Variants in TRIM33 observed in about 807,000 individuals in gnomAD.
TRIM33 encodes E3 ubiquitin-protein ligase TRIM33.
A neutral mutation model predicts 125.4 loss-of-function variants in TRIM33; 20 were observed. That is an observed-to-expected ratio of 0.16 (90% CI 0.11 to 0.23). TRIM33 has a LOEUF of 0.23. Ranked by LOEUF, TRIM33 falls within the 10% of genes least tolerant of loss-of-function variation. TRIM33 has a pLI of 1.00. For synonymous variants in TRIM33, 564 were observed against 513.9 expected (o/e 1.10, Z -1.32); for missense variants, 920 against 1,411.4 (o/e 0.65, Z 5.58).
At chr1:114,441,731 C>G (rs750280805) in intron 4 of TRIM33, among the ~76,000 whole-genome samples, 1 of 152,142 alleles carries the variant, frequency 6.6e-6, no homozygotes, top group East Asian at 1.9e-4. Flanking sequence ...GCCCTCTTTG[C>G]CAAATGGGTA....
Position 114,407,077 on chromosome 1 carries a change from G to A in TRIM33, c.2282C>T (p.Ala761Val). 6.2e-7 allele frequency: 1 copy of A among 1,613,348 alleles called. No homozygotes were observed. Among genetic ancestry groups the A allele is most frequent in the Non-Finnish European group, 8.5e-7 (1 of 1,179,686 alleles). Residue 761 changes from alanine (A) to valine (V), a missense_variant, in exon 14 of 20, where the codon GCT (alanine) becomes GTT (valine). By Grantham distance (64) the Ala-to-Val change is moderately conservative (BLOSUM62 0). This residue lies in a region of TRIM33 where 407 missense variants were observed against 589.7 expected (regional missense o/e 0.69). Transcript: ENST00000358465. ...TTTGAAACTAAGACTTGTCTTCTCA[G>A]CAGTTCTTCCTGATGACCCACAGCT... Reference protein sequence around the residue: ...RGSCGSSGRTAEKTSLSFKSD... With the variant: ...RGSCGSSGRTVEKTSLSFKSD...
At chr1:114,445,998 C>T (rs978437882) in intron 4 of TRIM33, among the ~76,000 whole-genome samples, 8 of 152,148 alleles carry the variant, frequency 5.3e-5, no homozygotes, top group Non-Finnish European at 1.2e-4. Flanking sequence ...GCTGGGACTA[C>T]AGGCACATGT....
At chr1:114,503,469 C>G (rs1041218976) in intron 1 of TRIM33, among the ~76,000 whole-genome samples, 2 of 152,196 alleles carry the variant, frequency 1.3e-5, no homozygotes, top group African/African-American at 4.8e-5. Context: ...CAAAGCAAGA[C>G]TCCATCTCAA....
rs1439521378 is a variant in TRIM33 at position 114,396,142 on chromosome 1, A to T, written c.*1506T>A. The T allele has an allele frequency of 5.0e-6, 1 of 201,340 alleles. No individual in the cohort carries two copies. Among genetic ancestry groups the T allele is most frequent in the Non-Finnish European group, 1.0e-5 (1 of 97,572 alleles). The allele number at this position is 201,340 out of a possible 1,614,324, so 12.5% of individuals were successfully genotyped here. ...TCTCTGAATATTCTAATGTGTCCATACAAAAGTAGGACTAAAATCTTTAAT... is the reference window on the plus strand; with the variant it reads ...TCTCTGAATATTCTAATGTGTCCATTCAAAAGTAGGACTAAAATCTTTAAT... On this transcript the variant is annotated 3_prime_UTR_variant, in exon 20 of 20. Coordinates refer to ENST00000358465, the MANE Select transcript of TRIM33 (RefSeq NM_015906.4).
chr1:114,445,416 T>G (rs1648916915), intron 4 of TRIM33, among the ~76,000 whole-genome samples: 1 of 152,054 alleles, frequency 6.6e-6, no homozygotes. Flanking sequence ...TTTAAAAAAT[T>G]TTCTGGTAGA....
rs186278237 is a variant in TRIM33, at chr1:114,421,866, C to G, written c.1861-230G>C. On this transcript the variant is annotated intron_variant, in intron 10 of 19. Transcript: ENST00000358465. ...GCCAATAATTTCCCAACACATCAGCCTGGTGATATGATCTTATTTCAGAAG... is the reference window on the plus strand; with the variant it reads ...GCCAATAATTTCCCAACACATCAGCGTGGTGATATGATCTTATTTCAGAAG... Among the ~76,000 whole-genome samples, 8 of 152,222 alleles carry G rather than the reference C, an allele frequency of 5.3e-5. No individual in the cohort carries two copies. The East Asian group carries it at 1.3e-3, about 26-fold the overall frequency.
chr1:114,416,240 G>A (rs1428374215), intron 11 of TRIM33, among the ~76,000 whole-genome samples: 2 of 152,038 alleles, frequency 1.3e-5, no homozygotes, highest in African/African-American at 4.8e-5. Flanking sequence ...CTGATTATCA[G>A]GAAAATATTA....
At chr1:114,416,455 T>C (rs1652950634) in intron 11 of TRIM33, among the ~76,000 whole-genome samples, 1 of 152,234 alleles carries the variant, frequency 6.6e-6, no homozygotes, top group Non-Finnish European at 1.5e-5. Flanking sequence ...TCACCATTAA[T>C]ACATCTGACT....
intron 1 of TRIM33, among the ~76,000 whole-genome samples, chr1:114,496,738 T>C (rs1391320321): frequency 2.0e-5 from 3 of 152,228 alleles, no homozygotes; most frequent in African/African-American, 7.2e-5. Context: ...TGAAGAGCTA[T>C]CCCTGTTTGG....
intron 11 of TRIM33, among the ~76,000 whole-genome samples, chr1:114,417,331 G>A (rs866021031): frequency 6.6e-6 from 1 of 152,142 alleles, no homozygotes; most frequent in African/African-American, 2.4e-5. Context: ...TTTTAGAGTG[G>A]ATCTCATGGT....
chr1:114,411,515 T>C (rs966604786), intron 11 of TRIM33, among the ~76,000 whole-genome samples: 14 of 151,996 alleles, frequency 9.2e-5, no homozygotes, highest in Non-Finnish European at 1.9e-4. Context: ...GAAGATTTGT[T>C]ATGAGGGGGG....
At chr1:114,445,485 C>T (rs1371141762) in intron 4 of TRIM33, among the ~76,000 whole-genome samples, 2 of 152,182 alleles carry the variant, frequency 1.3e-5, no homozygotes, top group Non-Finnish European at 2.9e-5. Flanking sequence ...AAGTGATCCT[C>T]TCACCTCAGC....
Position 114,463,309 on chromosome 1 carries a change from T to C in TRIM33, c.791-73A>G, listed in dbSNP as rs891059836. The C allele has an allele frequency of 1.9e-6, 3 of 1,555,478 alleles. No homozygotes were observed. The African/African-American group carries it at 4.2e-5, about 22-fold the overall frequency. On this transcript the variant is annotated intron_variant, in intron 3 of 19. Transcript: ENST00000358465. ...GTCTAGTTTTCTAAATTCCTATTGA[T>C]GTTGCTATCCAAAGTTTATAAAGAA...
intron 4 of TRIM33, among the ~76,000 whole-genome samples, chr1:114,450,008 G>A (rs1303545605): frequency 6.6e-6 from 1 of 152,160 alleles, no homozygotes; most frequent in South Asian, 2.1e-4. Context: ...TTTCCAAAAA[G>A]AGGTACATAA....
chr1:114,510,745 G>C lies in TRIM33; in HGVS notation c.332C>G (p.Ala111Gly), dbSNP rs554307015. 18 of 1,525,416 alleles carry C rather than the reference G, an allele frequency of 1.2e-5. No homozygotes were observed. The African/African-American group carries it at 1.7e-4, about 14-fold the overall frequency. 94.5% of individuals were successfully genotyped at this position (1,525,416 alleles called of 1,614,324 possible). The change falls in exon 1 of 20, where the codon GCA becomes GGA. Residue 111 changes from alanine to glycine, a missense_variant. By Grantham distance (60) the Ala-to-Gly change is moderately conservative. Around this residue, in one of 8 missense-constraint regions of TRIM33, gnomAD observed 233 missense variants for 189.6 expected, o/e 1.23. Coordinates refer to ENST00000358465, the MANE Select transcript of TRIM33 (RefSeq NM_015906.4). ...PASAPAPGPS[A>G]GPPPGPPASL... The stretch of plus-strand genomic sequence containing the variant: ...GGCTGGCGGTCCAGGAGGCGGCCCT[G>C]CCGAGGGACCCGGAGCGGGAGCCGA...
intron 4 of TRIM33, among the ~76,000 whole-genome samples, chr1:114,450,485 C>A (rs1024932376): frequency 6.6e-6 from 1 of 152,172 alleles, no homozygotes; most frequent in African/African-American, 2.4e-5. Context: ...GCATGCACCA[C>A]CACACCCGGA....
At chr1:114,435,859 TG>T (rs1648244861) in intron 4 of TRIM33, among the ~76,000 whole-genome samples, 2 of 143,878 alleles carry the variant, frequency 1.4e-5, no homozygotes, top group Non-Finnish European at 3.0e-5. Flanking sequence ...CCCGAGTAGC[TG>T]GGACTATAGA....
chr1:114,500,827 C>A (rs1438065814), intron 1 of TRIM33, among the ~76,000 whole-genome samples: 1 of 151,936 alleles, frequency 6.6e-6, no homozygotes, highest in African/African-American at 2.4e-5. Flanking sequence ...TTATCTATTG[C>A]TATGTAACAA....
intron 4 of TRIM33, among the ~76,000 whole-genome samples, chr1:114,452,751 A>C (rs1467401065): frequency 7.0e-6 from 1 of 142,952 alleles, no homozygotes; most frequent in Non-Finnish European, 1.5e-5. Flanking sequence ...AAAAAAAAAA[A>C]ATTAGCCAGG....
Sources: gnomAD v4.1 joint callset for allele counts (sites outside exome capture counted in the v4.1 genomes callset) on GRCh38, gnomAD v4.1.1 for gene constraint, gnomAD v4.1.1 regional missense constraint, MANE v1.5 for transcripts, NCBI Gene and HGNC (gene_info 2026-07-23, HGNC 2026-07-21) for gene names.